The following PHACTR2 variants were observed in gnomAD, a reference collection of about 807,000 sequenced individuals.
PHACTR2 encodes the protein phosphatase and actin regulator 2, also known as chromosome 6 open reading frame 56.
Under a neutral mutation model 76.0 loss-of-function variants are expected in PHACTR2, and 30 were observed. The ratio of observed to expected loss-of-function variants is 0.39; its 90% confidence interval spans 0.30 to 0.54. The LOEUF (loss-of-function observed/expected upper bound fraction) is 0.54. Ranked by LOEUF, PHACTR2 falls within the 20% of genes least tolerant of loss-of-function variation. PHACTR2 has a pLI of 0.61. For synonymous variants in PHACTR2, 292 were observed against 292.5 expected, an observed-to-expected ratio of 1.00 and a Z score of 0.02; for missense variants, 696 against 781.1, an observed-to-expected ratio of 0.89 and a Z score of 1.30.
At chr6:143,732,723 A>T (rs1778727394) in intron 2 of PHACTR2, among the ~76,000 whole-genome samples, 1 of 152,130 alleles carries the variant, frequency 6.6e-6, no homozygotes, top group African/African-American at 2.4e-5. Context: ...ACTGTTTTTC[A>T]ATGCAGCCAC....
intron 11 of PHACTR2, among the ~76,000 whole-genome samples, chr6:143,802,479 AT>A (rs201154160): frequency 0.3 from 43,791 of 144,884 alleles, 6,561 homozygotes; most frequent in Admixed American, 0.36. Context: ...ATCTCCACAA[AT>A]TTTTTTTTTT....
At chr6:143,551,407 A>T (rs1354754607) in intron 1 of PHACTR2, among the ~76,000 whole-genome samples, 1 of 152,246 alleles carries the variant, frequency 6.6e-6, no homozygotes, top group Non-Finnish European at 1.5e-5. Flanking sequence ...CACTGTGGAA[A>T]GTAAAACCTC....
intron 11 of PHACTR2, among the ~76,000 whole-genome samples, chr6:143,804,579 A>T (rs1776026447): frequency 1.3e-5 from 2 of 152,212 alleles, no homozygotes. Context: ...TCTTATGCAT[A>T]TGTATATGGT....
chr6:143,649,743 G>A (rs1776723768), intron 1 of PHACTR2, among the ~76,000 whole-genome samples: 1 of 152,172 alleles, frequency 6.6e-6, no homozygotes, highest in South Asian at 2.1e-4. Flanking sequence ...ATATCATACT[G>A]AATGGGAAAA....
At chr6:143,797,231 TC>T (rs1479721102) in intron 11 of PHACTR2, among the ~76,000 whole-genome samples, 1 of 152,242 alleles carries the variant, frequency 6.6e-6, no homozygotes, top group Non-Finnish European at 1.5e-5. Context: ...TCTGTTCATA[TC>T]CTTAGCCCAT....
chr6:143,741,982 G>A (rs1184111533), intron 2 of PHACTR2, among the ~76,000 whole-genome samples: 1 of 151,974 alleles, frequency 6.6e-6, no homozygotes, highest in Non-Finnish European at 1.5e-5. Context: ...GCGGGCACCT[G>A]TAATCCCAGC....
intron 1 of PHACTR2, among the ~76,000 whole-genome samples, chr6:143,699,491 CT>C (rs1477400570): frequency 2.5e-4 from 38 of 152,332 alleles, no homozygotes; most frequent in African/African-American, 8.2e-4. Context: ...GAGTTTACCC[CT>C]GGTCCTCAAC....
rs1174600131 is a variant in PHACTR2 at position 143,570,958 on chromosome 6, C to T, written c.217+33751C>T. On this transcript the variant is annotated intron_variant, in intron 1 of 11. Coordinates refer to the PHACTR2 transcript ENST00000367584. The surrounding 1 kb of genome is among the most constrained non-coding windows in gnomAD (Gnocchi z 4.6). ...CAAATGCCCCTGAGACTCGAAGACG[C>T]AAATTATATTCCTATTTTTCATGAA... is the stretch of plus-strand genomic sequence containing the variant. Among the ~76,000 whole-genome samples the T allele has an allele frequency of 6.6e-6, 1 of 152,142 alleles. No homozygotes were observed. The highest frequency in any genetic ancestry group is 1.5e-5 in the Non-Finnish European group (1 of 68,024).
In PHACTR2 at chr6:143,589,876, AAGGATAAT is replaced by A. The variant is rs1190592156; in HGVS notation, c.217+52674_217+52681del. On this transcript the variant is annotated intron_variant, in intron 1 of 11. Transcript: ENST00000367584. The surrounding 1 kb of genome is among the most constrained non-coding windows in gnomAD (Gnocchi z 4.4). ...ATCCCAGCTCATTCTAGAACCAGGC[AAGGATAAT>A]AGGAGAAGGGAAAATGGCAGACTAG... Among the ~76,000 whole-genome samples, 1 of 152,228 alleles carries A rather than the reference AAGGATAAT, an allele frequency of 6.6e-6. No individual in the cohort carries two copies. Among genetic ancestry groups the A allele is most frequent in the Non-Finnish European group, 1.5e-5 (1 of 68,036 alleles).
At position 143,782,009 on chromosome 6, in the gene PHACTR2, C is replaced by A. The variant is rs975773573; in HGVS notation, c.1646-1210C>A. On this transcript the variant is annotated intron_variant, in intron 9 of 12. Coordinates refer to ENST00000440869, the MANE Select transcript of PHACTR2 (RefSeq NM_001100164.2). The surrounding 1 kb of genome is among the most constrained non-coding windows in gnomAD (Gnocchi z 4.6). ...TAGAGAATTTAGCCTGTTCAACTAACAAATACAGCTGTTGCAAATATTGAA... is the reference window on the plus strand; with the variant it reads ...TAGAGAATTTAGCCTGTTCAACTAAAAAATACAGCTGTTGCAAATATTGAA... Among the ~76,000 whole-genome samples the A allele has an allele frequency of 6.6e-6, 1 of 152,150 alleles. No individual in the cohort carries two copies. The highest frequency in any genetic ancestry group is 6.5e-5 in the Admixed American group (1 of 15,270).
intron 11 of PHACTR2, among the ~76,000 whole-genome samples, chr6:143,790,018 G>T (rs1775641999): frequency 6.6e-6 from 1 of 152,154 alleles, no homozygotes; most frequent in Non-Finnish European, 1.5e-5. Context: ...TAGCACAGCA[G>T]CTTGGAAGGA....
In PHACTR2 at chr6:143,548,205, C is replaced by G. The variant is rs1562680388; in HGVS notation, c.217+10998C>G. Among the ~76,000 whole-genome samples, 1 of 152,168 alleles carries G rather than the reference C, an allele frequency of 6.6e-6. No homozygotes were observed. Among genetic ancestry groups the G allele is most frequent in the Non-Finnish European group, 1.5e-5 (1 of 68,028 alleles). On this transcript the variant is annotated intron_variant, in intron 1 of 11. Coordinates refer to the PHACTR2 transcript ENST00000367584. The surrounding 1 kb of genome is among the most constrained non-coding windows in gnomAD (Gnocchi z 4.5). ...TCACATGGCAGAGGGAGGAAGAAAG[C>G]TCTCTGTGAGCTCCTATAATGACAC...
rs1779275878 is a variant in PHACTR2, at chr6:143,755,380, G to A, written c.454+1468G>A. 4 of 455,994 alleles carry A rather than the reference G, an allele frequency of 8.8e-6. No individual in the cohort carries two copies. The highest frequency in any genetic ancestry group is 2.3e-5 in the Admixed American group (1 of 42,566). 28.2% of individuals were successfully genotyped at this position (455,994 alleles called of 1,614,324 possible). A position where few individuals can be genotyped will look rare whatever the true frequency, so the allele number is the denominator to read the frequency against. ...ATCCAAGAATCGCATCCTGCATTAC[G>A]TAACAGTGCCATCTCTGGTGCCTGG... is the stretch of plus-strand genomic sequence containing the variant. On this transcript the variant is annotated intron_variant, in intron 4 of 12. Transcript: ENST00000440869. This position sits in a 1 kb window ranked among gnomAD's most constrained non-coding sequence, Gnocchi z 5.2.
At chr6:143,606,523 TCA>T (rs1775875257), upstream of PHACTR2, among the ~76,000 whole-genome samples, 3 of 152,218 alleles carry the variant, frequency 2.0e-5, no homozygotes, top group Non-Finnish European at 4.4e-5. Context: ...ATAAATATAT[TCA>T]TATTAGGCAA....
chr6:143,737,531 T>G (rs1310329022), intron 2 of PHACTR2, among the ~76,000 whole-genome samples: 1 of 152,206 alleles, frequency 6.6e-6, no homozygotes, highest in Non-Finnish European at 1.5e-5. Context: ...CCTTTCAGTC[T>G]TCAAGAAGGA....
Position 143,821,633 on chromosome 6 carries a change from GAAA to G in PHACTR2, c.1923-2039_1923-2037del, listed in dbSNP as rs1582915093. On this transcript the variant is annotated intron_variant, in intron 12 of 12. Coordinates refer to ENST00000440869, the MANE Select transcript of PHACTR2 (RefSeq NM_001100164.2). This position sits in a 1 kb window ranked among gnomAD's most constrained non-coding sequence, Gnocchi z 5.2. ...AATTAGTGCTTCCCTGAGCAGTGGA[GAAA>G]AGAGTTTGGAGAACTCACAGAGTGA... Among the ~76,000 whole-genome samples the G allele has an allele frequency of 6.6e-6, 1 of 152,216 alleles. No individual in the cohort carries two copies. Among genetic ancestry groups the G allele is most frequent in the African/African-American group, 2.4e-5 (1 of 41,458 alleles).
In PHACTR2 at chr6:143,789,022, A is replaced by C; in HGVS notation, c.1845+112A>C. ...GGGACGAGATCTTACCAAATATTAC[A>C]ACAGTTTTCTGCCTCTGATTATTTA... On this transcript the variant is annotated intron_variant, in intron 11 of 12. Transcript: ENST00000440869. This position sits in a 1 kb window ranked among gnomAD's most constrained non-coding sequence, Gnocchi z 5.1. 1.1e-6 allele frequency: 1 copy of C among 890,748 alleles called. No individual in the cohort carries two copies. The highest frequency in any genetic ancestry group is 1.7e-6 in the Non-Finnish European group (1 of 581,030). The allele number at this position is 890,748 out of a possible 1,614,324, so 55.2% of individuals were successfully genotyped here.
At position 143,543,937 on chromosome 6, in the gene PHACTR2, C is replaced by T. The variant is rs2128426584; in HGVS notation, c.217+6730C>T. ...GACTGTCAGGGCTCAGAAAACAATA[C>T]CGCAAAGCGTGGTGCTTTGATGTGC... On this transcript the variant is annotated intron_variant, in intron 1 of 11. Transcript: ENST00000367584. This position sits in a 1 kb window ranked among gnomAD's most constrained non-coding sequence, Gnocchi z 4.7. Among the ~76,000 whole-genome samples, 2 of 152,254 alleles carry T rather than the reference C, an allele frequency of 1.3e-5. 1 individual carries two copies. The highest frequency in any genetic ancestry group is 3.9e-4 in the East Asian group (2 of 5,182).
At chr6:143,645,560 C>A (rs1056024988) in intron 1 of PHACTR2, among the ~76,000 whole-genome samples, 1 of 152,048 alleles carries the variant, frequency 6.6e-6, no homozygotes, top group Admixed American at 6.6e-5. Context: ...AGTTGTGTGG[C>A]GCTAAAGTGT....
Sources: allele counts gnomAD v4.1 joint callset (sites outside exome capture counted in the v4.1 genomes callset), GRCh38; gene constraint gnomAD v4.1.1; non-coding constraint Gnocchi (gnomAD v3.1); transcripts MANE v1.5; gene names NCBI Gene and HGNC (gene_info 2026-07-23, HGNC 2026-07-21).